The following ABCC3 variants were observed in gnomAD, a reference collection of about 807,000 sequenced individuals.
ABCC3 encodes ATP-binding cassette sub-family C member 3.
In ABCC3, 121 loss-of-function variants were observed where a neutral mutation model predicts 165.3. The observed-to-expected ratio is 0.73, with a 90% confidence interval of 0.63 to 0.85. The LOEUF (loss-of-function observed/expected upper bound fraction) is 0.85. Among genes scored for constraint, ABCC3 ranks in the 40% least tolerant of loss-of-function variants. The pLI, the probability that ABCC3 is intolerant of heterozygous loss-of-function variation, is 0.00. For missense variants in ABCC3, 1,869 were observed against 1,964.1 expected (o/e 0.95, Z 0.92); for synonymous variants, 733 against 810.1 (o/e 0.90, Z 1.62).
chr17:50,676,484 A>G lies in ABCC3; in HGVS notation c.3274A>G (p.Asn1092Asp). ...GGCCCCTGTCATCCTCATGCTGCTC[A>G]ATTCCTTCTTCAACGCCATCTCCAC... ...VLAPVILMLL[N>D]SFFNAISTLV... Residue 1092 changes from asparagine to aspartate, a missense_variant, in exon 23 of 31, where the codon AAT becomes GAT. Physicochemically the swap from Asn to Asp is conservative, Grantham distance 23. Coordinates refer to ENST00000285238, the MANE Select transcript of ABCC3 (RefSeq NM_003786.4). 6.2e-7 allele frequency: 1 copy of G among 1,614,124 alleles called. No homozygotes were observed. Among genetic ancestry groups the G allele is most frequent in the Non-Finnish European group, 8.5e-7 (1 of 1,180,022 alleles).
In ABCC3 at chr17:50,669,036, G is replaced by C. The variant is rs1967585638; in HGVS notation, c.1938-104G>C. 24 of 1,593,410 alleles carry C rather than the reference G, an allele frequency of 1.5e-5. No individual in the cohort carries two copies. In the South Asian group the frequency reaches 2.2e-4, roughly 15 times the overall value. On this transcript the variant is annotated intron_variant, in intron 15 of 30. Coordinates refer to ENST00000285238, the MANE Select transcript of ABCC3 (RefSeq NM_003786.4). ...TGCAGGAAGAGCTTCAGCCTGCCAG[G>C]GGGGTGTCTGGAAGGGCGGAGGGCT...
Position 50,659,020 on chromosome 17 carries a change from G to GAGGAGA in ABCC3, c.675-213_675-208dup, listed in dbSNP as rs1368504169. On this transcript the variant is annotated intron_variant, in intron 6 of 30. Coordinates refer to ENST00000285238, the MANE Select transcript of ABCC3 (RefSeq NM_003786.4). ...AGGAGATGGGACACCTGGGGAGGAG[G>GAGGAGA]AGGAGAAGGGGGTAGTGGTAGGAAC... Among the ~76,000 whole-genome samples the GAGGAGA allele has an allele frequency of 2.0e-5, 3 of 152,302 alleles. No homozygotes were observed. The East Asian group carries it at 5.8e-4, about 29-fold the overall frequency.
chr17:50,665,615 T>A (rs79283044), intron 11 of ABCC3, among the ~76,000 whole-genome samples: 2 of 130,148 alleles, frequency 1.5e-5, no homozygotes, highest in African/African-American at 6.7e-5. Context: ...TTTCTTTTTT[T>A]TTTTTTTTGA....
intron 8 of ABCC3, chr17:50,662,297 G>C (rs1381042758): frequency 1.3e-5 from 2 of 152,556 alleles, no homozygotes; most frequent in Non-Finnish European, 1.5e-5. Context: ...TGAGCTGATG[G>C]GCTCGGTGGG....
rs764459191 is a variant in ABCC3, at chr17:50,659,329, T to C, written c.767T>C (p.Leu256Pro). 5.0e-6 allele frequency: 8 copies of C among 1,613,052 alleles called. No individual in the cohort carries two copies. Among genetic ancestry groups the C allele is most frequent in the Non-Finnish European group, 6.8e-6 (8 of 1,179,202 alleles). The change falls in exon 7 of 31, where the codon CTG (leucine) becomes CCG (proline). Residue 256 changes from leucine to proline, a missense_variant. Coordinates refer to ENST00000285238, the MANE Select transcript of ABCC3 (RefSeq NM_003786.4). ...AGATCCCAGATGGTGGTGCAGCAGC[T>C]GCTGGAGGCATGGAGGAAGCAGGAA... ...EDRSQMVVQQ[L>P]LEAWRKQEKQ...
chr17:50,673,819 T>G (rs1339681881), intron 19 of ABCC3, among the ~76,000 whole-genome samples, 161 bp downstream of exon 19: 1 of 151,854 alleles, frequency 6.6e-6, no homozygotes, highest in Non-Finnish European at 1.5e-5. Context: ...AAACTGGACA[T>G]AGTCGGGTCC....
chr17:50,673,963 T>TCCTTCCTTCCTTCCTTCCTTC (rs1967718769), intron 19 of ABCC3, among the ~76,000 whole-genome samples: 1 of 22,236 alleles, frequency 4.5e-5, no homozygotes, highest in Non-Finnish European at 8.2e-5. Flanking sequence ...TTTCTTTCTT[T>TCCTTCCTTCCTTCCTTCCTTC]CTTTCTTTCT....
Position 50,669,461 on chromosome 17 carries a change from A to C in ABCC3, c.2174A>C (p.Glu725Ala). The part of the protein sequence containing the change: ...LNPKRYQQTL[E>A]ACALLADLEM... Reference sequence around the variant, plus strand: ...CCCAAGCGCTACCAGCAGACTCTGGAGGCCTGTGCCTTGCTAGCTGACCTG... The same window carrying C: ...CCCAAGCGCTACCAGCAGACTCTGGCGGCCTGTGCCTTGCTAGCTGACCTG... Residue 725 changes from glutamate (E) to alanine (A), a missense_variant, in exon 17 of 31, where the codon GAG becomes GCG. Physicochemically the swap from Glu to Ala is moderately radical, Grantham distance 107 (BLOSUM62 -1). Coordinates refer to ENST00000285238, the MANE Select transcript of ABCC3 (RefSeq NM_003786.4). 6.2e-7 allele frequency: 1 copy of C among 1,614,236 alleles called. No homozygotes were observed. Among genetic ancestry groups the C allele is most frequent in the African/African-American group, 1.3e-5 (1 of 75,066 alleles).
intron 1 of ABCC3, among the ~76,000 whole-genome samples, chr17:50,640,049 C>T (rs1319609091): frequency 6.6e-6 from 1 of 152,152 alleles, no homozygotes; most frequent in Non-Finnish European, 1.5e-5. Flanking sequence ...CAGGCGTGAG[C>T]CACCGCATTC....
chr17:50,640,359 G>A (rs1443925872), intron 1 of ABCC3, among the ~76,000 whole-genome samples: 1 of 152,204 alleles, frequency 6.6e-6, no homozygotes. Context: ...TCAGCCCTGG[G>A]TGTCAGCTGT....
At chr17:50,658,870 G>A (rs150179365) in intron 6 of ABCC3, among the ~76,000 whole-genome samples, 186 of 152,312 alleles carry the variant, frequency 1.2e-3, no homozygotes, top group Non-Finnish European at 2.2e-3. Context: ...TCTGTGACCT[G>A]GGTGACAGCT....
chr17:50,641,218 C>T (rs988322385), intron 1 of ABCC3, among the ~76,000 whole-genome samples: 1 of 152,220 alleles, frequency 6.6e-6, no homozygotes, highest in African/African-American at 2.4e-5. Flanking sequence ...GACCTTACCC[C>T]TTATCAGCCC....
chr17:50,668,387 TG>T, intron 13 of ABCC3, 42 bp from the exon 14 acceptor site: 1 of 1,566,398 alleles, frequency 6.4e-7, no homozygotes, highest in Middle Eastern at 1.7e-4. Flanking sequence ...GGTTGGGGGT[TG>T]GGAAAGTACA....
chr17:50,663,498 G>A, intron 8 of ABCC3, 183 bp from the exon 9 acceptor site: 1 of 635,456 alleles, frequency 1.6e-6, no homozygotes, highest in Non-Finnish European at 2.7e-6. Flanking sequence ...GCAGAGTGGA[G>A]CCAGGAGGTC....
chr17:50,649,089 G>A (rs1967060547), intron 1 of ABCC3, among the ~76,000 whole-genome samples: 1 of 149,936 alleles, frequency 6.7e-6, no homozygotes, highest in Non-Finnish European at 1.5e-5. Flanking sequence ...TCCAGCCTGG[G>A]CGACAGAGGG....
intron 29 of ABCC3, among the ~76,000 whole-genome samples, chr17:50,686,206 T>C (rs979252111): frequency 6.6e-6 from 1 of 152,172 alleles, no homozygotes; most frequent in African/African-American, 2.4e-5. Context: ...GAAAAAAAAC[T>C]TTACATTTGC....
chr17:50,671,345 G>A (rs1423626978), intron 17 of ABCC3, among the ~76,000 whole-genome samples: 1 of 151,592 alleles, frequency 6.6e-6, no homozygotes, highest in African/African-American at 2.4e-5. Context: ...CTGTGCAACC[G>A]ATCTCCAGAA....
chr17:50,646,158 A>G (rs969985757), intron 1 of ABCC3, among the ~76,000 whole-genome samples: 1 of 152,214 alleles, frequency 6.6e-6, no homozygotes, highest in African/African-American at 2.4e-5. Context: ...CACAGGTGGC[A>G]GTATTAAACA....
chr17:50,649,589 A>AAGGAG (rs752589069), intron 1 of ABCC3, among the ~76,000 whole-genome samples: 1 of 73,094 alleles, frequency 1.4e-5, no homozygotes. Context: ...TCAAAAAAAG[A>AAGGAG]AGGAGAGGAG....
Sources: allele counts gnomAD v4.1 joint callset (sites outside exome capture counted in the v4.1 genomes callset), GRCh38; gene constraint gnomAD v4.1.1; transcripts MANE v1.5; gene names NCBI Gene and HGNC (gene_info 2026-07-23, HGNC 2026-07-21).